The following PYCR3 variants were observed in gnomAD, a reference collection of about 807,000 sequenced individuals.
The protein encoded by PYCR3 is P5C reductase 3.
Under a neutral mutation model 23.4 loss-of-function variants are expected in PYCR3, and 26 were observed. The ratio of observed to expected loss-of-function variants is 1.11; its 90% CI spans 0.81 to 1.54. The LOEUF is 1.54. PYCR3 is among the 40% of genes most tolerant of loss of function. The pLI, the probability that PYCR3 is intolerant of heterozygous loss-of-function variation, is 0.00. For missense variants in PYCR3, 360 were observed against 376.3 expected, an observed-to-expected ratio of 0.96 and a Z score of 0.36; for synonymous variants, 194 against 162.6, an observed-to-expected ratio of 1.19 and a Z score of -1.47.
chr8:143,607,052 A>G lies in PYCR3; in HGVS notation c.237T>C (p.His79=), dbSNP rs373733887. The change falls in exon 3 of 6, where the codon CAT becomes CAC. Residue 79 remains histidine (H), a synonymous_variant. Coordinates refer to ENST00000495276, the MANE Select transcript of PYCR3 (RefSeq NM_023078.6). ...CCTCTGCCAGGACAGCTGGCAGCAC[A>G]TGAGGCTTGGTGGCAAAGATGACGA... ...CLLVIFATKP[H]VLPAVLAEVA... The G allele has an allele frequency of 1.9e-6, 3 of 1,613,048 alleles. No individual in the cohort carries two copies. The highest frequency in any genetic ancestry group is 2.5e-6 in the Non-Finnish European group (3 of 1,179,864).
In PYCR3 at chr8:143,608,014, G is replaced by C. The variant is rs192611613; in HGVS notation, c.156+48C>G. Reference sequence around the variant, plus strand: ...TGTCTTAGTGGGACAGGAGCCAAGAGCTATCCTGGGCTCCTGAGGGTATGA... The same window carrying C: ...TGTCTTAGTGGGACAGGAGCCAAGACCTATCCTGGGCTCCTGAGGGTATGA... On this transcript the variant is annotated intron_variant, in intron 2 of 5. Coordinates refer to ENST00000495276, the MANE Select transcript of PYCR3 (RefSeq NM_023078.6). 1.1e-5 allele frequency: 15 copies of C among 1,399,992 alleles called. No individual in the cohort carries two copies. In the African/African-American group the frequency reaches 1.3e-4, roughly 12 times the overall value. 86.7% of individuals were successfully genotyped at this position (1,399,992 alleles called of 1,614,324 possible). A position where few individuals can be genotyped will look rare whatever the true frequency, so the allele number is the denominator to read the frequency against.
intron 3 of PYCR3, 47 bp from the exon 4 acceptor site, chr8:143,606,726 T>C: frequency 6.7e-7 from 1 of 1,503,062 alleles, no homozygotes; most frequent in Non-Finnish European, 9.0e-7. Flanking sequence ...GACTGGGCCC[T>C]GCTGGGCAGG....
intron 1 of PYCR3, chr8:143,608,409 G>A: frequency 2.1e-6 from 1 of 477,080 alleles, no homozygotes; most frequent in Non-Finnish European, 3.8e-6. Flanking sequence ...TCTGCCTCCA[G>A]GGAAGGGAAG....
intron 4 of PYCR3, 101 bp downstream of exon 4, chr8:143,606,366 G>A (rs1334253257): frequency 1.5e-6 from 2 of 1,335,640 alleles, no homozygotes; most frequent in Non-Finnish European, 1.1e-6. Flanking sequence ...CAACCACGCA[G>A]GCCTCAAGGT....
In PYCR3 at chr8:143,606,471, G is replaced by C; in HGVS notation, c.545C>G (p.Ala182Gly). The stretch of plus-strand genomic sequence containing the variant: ...GATGGACGAGGCAATACTCACGAAG[G>C]CCACGCCACTGCCACTGAGGCCAGT... ...IHTGLSGSGVAFVCAFSEALA... is the reference protein window; with the variant it reads ...IHTGLSGSGVGFVCAFSEALA... The change falls in exon 4 of 6, where the codon GCC (alanine) becomes GGC (glycine). Residue 182 changes from alanine (A) to glycine (G), a missense_variant. Physicochemically the swap from Ala to Gly is moderately conservative, Grantham distance 60. Transcript: ENST00000495276. 1.2e-6 allele frequency: 2 copies of C among 1,612,556 alleles called. No individual in the cohort carries two copies. Among genetic ancestry groups the C allele is most frequent in the Non-Finnish European group, 1.7e-6 (2 of 1,179,930 alleles).
At chr8:143,609,411 G>A in intron 1 of PYCR3, 47 bp downstream of exon 1, 1 of 1,453,762 alleles carries the variant, frequency 6.9e-7, no homozygotes, top group Non-Finnish European at 9.0e-7. Context: ...ACCTCCCACG[G>A]GGCTGCTCCC....
intron 3 of PYCR3, 111 bp downstream of exon 3, chr8:143,606,842 C>G: frequency 7.3e-7 from 1 of 1,375,802 alleles, no homozygotes. Context: ...GCCACTTGAT[C>G]CAGGTGGGCC....
In PYCR3 at chr8:143,605,596, A is replaced by AG; in HGVS notation, c.*103dup. 9.6e-7 allele frequency: 1 copy of AG among 1,039,864 alleles called. No homozygotes were observed. Among genetic ancestry groups the AG allele is most frequent in the Admixed American group, 2.7e-5 (1 of 37,538 alleles). 64.4% of individuals were successfully genotyped at this position (1,039,864 alleles called of 1,614,324 possible). A position where few individuals can be genotyped will look rare whatever the true frequency, so the allele number is the denominator to read the frequency against. On this transcript the variant is annotated 3_prime_UTR_variant, in exon 6 of 6. Transcript: ENST00000495276. ...TTCCCTGTGCAAGGGGAGAAGGAGC[A>AG]GTAGGAGACCCTCATGCAGGAGGGA...
At chr8:143,607,852 C>T (rs996625258) in intron 2 of PYCR3, among the ~76,000 whole-genome samples, 2 of 152,234 alleles carry the variant, frequency 1.3e-5, no homozygotes, top group African/African-American at 4.8e-5. Context: ...CATGCATACA[C>T]ACACACACAC....
rs1377077472 is a variant in PYCR3, at chr8:143,605,481, G to A, written c.*219C>T. ...CAGCAAGGGGCAGAGCCACCACCAC[G>A]GTGCCTTCTGCTCACTGGGGAGGGA... On this transcript the variant is annotated 3_prime_UTR_variant, in exon 6 of 6. Coordinates refer to ENST00000495276, the MANE Select transcript of PYCR3 (RefSeq NM_023078.6). 18 of 559,094 alleles carry A rather than the reference G, an allele frequency of 3.2e-5. No individual in the cohort carries two copies. Among genetic ancestry groups the A allele is most frequent in the South Asian group, 1.2e-4 (5 of 40,004 alleles). 34.6% of individuals were successfully genotyped at this position (559,094 alleles called of 1,614,324 possible). A position where few individuals can be genotyped will look rare whatever the true frequency, so the allele number is the denominator to read the frequency against.
chr8:143,606,252 A>G, intron 4 of PYCR3, 98 bp from the exon 5 acceptor site: 2 of 1,290,604 alleles, frequency 1.5e-6, no homozygotes, highest in Admixed American at 4.2e-5. Context: ...GTGGGTGGCC[A>G]GAACCAAGGC....
At position 143,609,540 on chromosome 8, in the gene PYCR3, A is replaced by G; in HGVS notation, c.9T>C (p.Ala3=). 6.6e-7 allele frequency: 1 copy of G among 1,509,072 alleles called. No homozygotes were observed. The highest frequency in any genetic ancestry group is 1.4e-5 in the African/African-American group (1 of 69,102). The allele number at this position is 1,509,072 out of a possible 1,614,324, so 93.5% of individuals were successfully genotyped here. Residue 3 remains alanine (A), a synonymous_variant, in exon 1 of 6, where the codon GCT becomes GCC. Transcript: ENST00000495276. MA[A]AEPSPRRVGF... is the part of the protein sequence containing the mutation. ...CCACGCGCCGCGGAGACGGCTCCGCAGCTGCCATCTTGTTGCCTCGGACGC... is the reference window on the plus strand; with the variant it reads ...CCACGCGCCGCGGAGACGGCTCCGCGGCTGCCATCTTGTTGCCTCGGACGC...
At chr8:143,608,737 A>G (rs1482650106) in intron 1 of PYCR3, 33 of 443,034 alleles carry the variant, frequency 7.4e-5, no homozygotes, top group Non-Finnish European at 3.2e-5. Flanking sequence ...ACTAAGCTCA[A>G]CACTAGACAT....
chr8:143,606,743 C>T lies in PYCR3; in HGVS notation c.337-64G>A, dbSNP rs1417886181. On this transcript the variant is annotated intron_variant, in intron 3 of 5. Transcript: ENST00000495276. ...CTGGGCCCTGCTGGGCAGGCCCCAG[C>T]AGGGGCCTCAGGAAAGGTCCACGTC... 5 of 1,488,664 alleles carry T rather than the reference C, an allele frequency of 3.4e-6. No individual in the cohort carries two copies. In the African/African-American group the frequency reaches 4.2e-5, roughly 13 times the overall value. 92.2% of individuals were successfully genotyped at this position (1,488,664 alleles called of 1,614,324 possible).
At chr8:143,609,205 G>A (rs370764983) in intron 1 of PYCR3, among the ~76,000 whole-genome samples, 1 of 152,256 alleles carries the variant, frequency 6.6e-6, no homozygotes, top group South Asian at 2.1e-4. Context: ...ATCAGAGGCT[G>A]GAAGAGGTGA....
intron 2 of PYCR3, among the ~76,000 whole-genome samples, chr8:143,607,759 G>A (rs1009442283): frequency 9.9e-5 from 10 of 100,692 alleles, no homozygotes; most frequent in Non-Finnish European, 2.7e-4. Context: ...AAACGCACAT[G>A]AGCACATACA....
In PYCR3 at chr8:143,606,651, C is replaced by G. The variant is rs746771469; in HGVS notation, c.365G>C (p.Arg122Pro). 1 of 1,602,998 alleles carries G rather than the reference C, an allele frequency of 6.2e-7. No individual in the cohort carries two copies. Among genetic ancestry groups the G allele is most frequent in the Non-Finnish European group, 8.5e-7 (1 of 1,175,818 alleles). The change falls in exon 4 of 6, where the codon CGG becomes CCG. Residue 122 changes from arginine to proline, a missense_variant. By Grantham distance (103) the Arg-to-Pro change is moderately radical. Coordinates refer to ENST00000495276, the MANE Select transcript of PYCR3 (RefSeq NM_023078.6). ...CACACAGGGCAGGTTGGGCAAGACC[C>G]GCAGCACCCGTGTGTTTGGGGGCAG... is the stretch of plus-strand genomic sequence containing the variant. Reference protein sequence around the residue: ...ELLPPNTRVLRVLPNLPCVVQ... With the variant: ...ELLPPNTRVLPVLPNLPCVVQ...
In PYCR3 at chr8:143,605,858, C is replaced by T. The variant is rs777247601; in HGVS notation, c.667G>A (p.Glu223Lys). 5.0e-6 allele frequency: 8 copies of T among 1,609,140 alleles called. No individual in the cohort carries two copies. Among genetic ancestry groups the T allele is most frequent in the Non-Finnish European group, 5.1e-6 (6 of 1,177,970 alleles). Residue 223 changes from glutamate to lysine, a missense_variant, in exon 6 of 6, where the codon GAG (glutamate) becomes AAG (lysine). Transcript: ENST00000495276. ...LLGTAKMLLHEGQHPAQLRSD... is the reference protein window; with the variant it reads ...LLGTAKMLLHKGQHPAQLRSD... Reference sequence around the variant, plus strand: ...CGCAGCTGGGCTGGGTGTTGGCCCTCGTGCAGCAGCATCTTGGCCGTCCCC... The same window carrying T: ...CGCAGCTGGGCTGGGTGTTGGCCCTTGTGCAGCAGCATCTTGGCCGTCCCC...
Position 143,605,669 on chromosome 8 carries a change from C to T in PYCR3, c.*31G>A. On this transcript the variant is annotated 3_prime_UTR_variant, in exon 6 of 6. Coordinates refer to ENST00000495276, the MANE Select transcript of PYCR3 (RefSeq NM_023078.6). ...AGGGACACAGGGAGAGGCAGGGGCA[C>T]AGAGGCAGGAAAGGATGGCCAGAGC... 6.4e-7 allele frequency: 1 copy of T among 1,568,270 alleles called. No individual in the cohort carries two copies. Among genetic ancestry groups the T allele is most frequent in the African/African-American group, 1.3e-5 (1 of 74,226 alleles).
Sources: allele counts gnomAD v4.1 joint callset (sites outside exome capture counted in the v4.1 genomes callset), GRCh38; gene constraint gnomAD v4.1.1; transcripts MANE v1.5; gene names NCBI Gene and HGNC (gene_info 2026-07-23, HGNC 2026-07-21).